The following PTPRG variants were observed in gnomAD, a reference collection of about 807,000 sequenced individuals.
PTPRG encodes receptor-type tyrosine-protein phosphatase gamma.
In PTPRG, 102 loss-of-function variants were observed where a neutral mutation model predicts 165.3. That is an observed-to-expected ratio of 0.62 (90% CI 0.53 to 0.73). The LOEUF (loss-of-function observed/expected upper bound fraction) is 0.73, where lower values mean the gene tolerates loss of function less well. Ranked by LOEUF, PTPRG falls within the 30% of genes least tolerant of loss-of-function variation. PTPRG has a pLI of 0.00. For missense variants in PTPRG, 1,866 were observed against 1,861.4 expected, an observed-to-expected ratio of 1.00 and a Z score of -0.05; for synonymous variants, 675 against 669.5, an observed-to-expected ratio of 1.01 and a Z score of -0.13.
intron 26 of PTPRG, among the ~76,000 whole-genome samples, chr3:62,280,948 C>T (rs1337107893): frequency 1.3e-5 from 2 of 151,952 alleles, no homozygotes; most frequent in Non-Finnish European, 2.9e-5. Context: ...ATGAGGACTA[C>T]AGGTAATAAA....
chr3:61,599,397 C>T (rs1248668453), intron 1 of PTPRG, among the ~76,000 whole-genome samples: 2 of 152,202 alleles, frequency 1.3e-5, no homozygotes, highest in African/African-American at 4.8e-5. Flanking sequence ...ATGTACCTGC[C>T]TTGGCTTCCC....
chr3:62,145,097 T>C (rs1314159531), intron 6 of PTPRG, among the ~76,000 whole-genome samples: 1 of 152,174 alleles, frequency 6.6e-6, no homozygotes, highest in Non-Finnish European at 1.5e-5. Context: ...TTTCTTAACC[T>C]GCTCGCCTGC....
chr3:61,705,495 A>G (rs1209254084), intron 1 of PTPRG, among the ~76,000 whole-genome samples: 2 of 151,686 alleles, frequency 1.3e-5, no homozygotes, highest in Non-Finnish European at 2.9e-5. Context: ...AAGTTTGTCC[A>G]ATAGAGATGT....
At chr3:61,578,058 A>G (rs1700205033) in intron 1 of PTPRG, among the ~76,000 whole-genome samples, 1 of 152,234 alleles carries the variant, frequency 6.6e-6, no homozygotes, top group African/African-American at 2.4e-5. Context: ...CTTGAAAATA[A>G]AAGCCGTTGT....
At position 61,897,588 on chromosome 3, in the gene PTPRG, A is replaced by T. The variant is rs141274827; in HGVS notation, c.191-92037A>T. ...TCTAGGGCCTGTGCTATTCTATAGA[A>T]GTTTTATAGTCTTGTGGATGTCTGC... is the stretch of plus-strand genomic sequence containing the variant. On this transcript the variant is annotated intron_variant, in intron 2 of 29. Transcript: ENST00000474889. 7.6e-3 allele frequency among the ~76,000 whole-genome samples: 1,151 copies of T among 152,306 alleles called. 11 individuals are homozygous for T. The highest frequency in any genetic ancestry group is 0.025 in the African/African-American group (1,057 of 41,580).
chr3:62,024,983 A>G (rs1217260682), intron 4 of PTPRG, among the ~76,000 whole-genome samples: 7 of 152,090 alleles, frequency 4.6e-5, no homozygotes, highest in African/African-American at 1.4e-4. Flanking sequence ...AACCCTAGCA[A>G]TTTCTTGTTT....
chr3:61,645,180 T>C (rs1702166268), intron 1 of PTPRG, among the ~76,000 whole-genome samples: 3 of 152,238 alleles, frequency 2.0e-5, no homozygotes, highest in Admixed American at 2.0e-4. Flanking sequence ...TGACAATGAT[T>C]AACACCTGTT....
intron 7 of PTPRG, among the ~76,000 whole-genome samples, chr3:62,165,299 T>C (rs1263999337): frequency 6.6e-6 from 1 of 152,370 alleles, no homozygotes. Flanking sequence ...ACTTCTCATA[T>C]GATTTTAAGA....
intron 1 of PTPRG, among the ~76,000 whole-genome samples, chr3:61,596,226 C>T (rs2365949): frequency 0.89 from 134,631 of 151,896 alleles, 59,798 homozygotes; most frequent in South Asian, 0.97. Context: ...TTCCTGAACC[C>T]CACAGTCTCA....
intron 4 of PTPRG, among the ~76,000 whole-genome samples, chr3:62,005,148 T>A (rs2041265438): frequency 6.6e-6 from 1 of 152,246 alleles, no homozygotes; most frequent in Admixed American, 6.5e-5. Flanking sequence ...CTTGTTTAGC[T>A]GACAAATTCT....
At chr3:61,852,728 C>G (rs1333715531) in intron 2 of PTPRG, among the ~76,000 whole-genome samples, 1 of 152,168 alleles carries the variant, frequency 6.6e-6, no homozygotes, top group Non-Finnish European at 1.5e-5. Context: ...TTGTCAAGTT[C>G]ACGGTGGCTA....
intron 5 of PTPRG, among the ~76,000 whole-genome samples, chr3:62,094,210 T>C (rs80299669): frequency 0.011 from 1,613 of 152,244 alleles, 26 homozygotes; most frequent in African/African-American, 0.036. Flanking sequence ...TCTTCTGAAC[T>C]TCAATATTAG....
At chr3:61,982,713 C>T (rs2040669334) in intron 2 of PTPRG, among the ~76,000 whole-genome samples, 1 of 152,208 alleles carries the variant, frequency 6.6e-6, no homozygotes, top group African/African-American at 2.4e-5. Context: ...AAAACAGGCT[C>T]CAGAGAAGCT....
chr3:62,019,158 C>A (rs1438529203), intron 4 of PTPRG, among the ~76,000 whole-genome samples: 1 of 152,104 alleles, frequency 6.6e-6, no homozygotes, highest in Non-Finnish European at 1.5e-5. Flanking sequence ...AAATCAAATT[C>A]CTGAGGTCCC....
chr3:61,710,224 C>G (rs1207189393), intron 1 of PTPRG, among the ~76,000 whole-genome samples: 1 of 152,154 alleles, frequency 6.6e-6, no homozygotes, highest in East Asian at 1.9e-4. Flanking sequence ...TATGAAAGAA[C>G]TTCAGCTTTT....
At chr3:61,715,819 G>A (rs1319704232) in intron 1 of PTPRG, among the ~76,000 whole-genome samples, 1 of 151,152 alleles carries the variant, frequency 6.6e-6, no homozygotes, top group Non-Finnish European at 1.5e-5. Context: ...CTCCAGATTA[G>A]AAATGGAATA....
chr3:62,201,635 G>GTTTAACAACAT, intron 11 of PTPRG, 81 bp downstream of exon 11: 1 of 1,391,648 alleles, frequency 7.2e-7, no homozygotes, highest in Non-Finnish European at 1.0e-6. Flanking sequence ...CGAAGTGGCA[G>GTTTAACAACAT]TATAATGTTG....
chr3:62,044,377 A>G (rs939981419), intron 4 of PTPRG, among the ~76,000 whole-genome samples: 3 of 152,134 alleles, frequency 2.0e-5, no homozygotes, highest in Non-Finnish European at 2.9e-5. Context: ...CGTCTCTACT[A>G]AAAATACAAA....
chr3:62,002,324 T>C (rs1293760870), intron 3 of PTPRG, among the ~76,000 whole-genome samples: 1 of 152,196 alleles, frequency 6.6e-6, no homozygotes, highest in Non-Finnish European at 1.5e-5. Context: ...GATAAGTACT[T>C]TCCCATGGCT....
Sources: allele counts gnomAD v4.1 joint callset (sites outside exome capture counted in the v4.1 genomes callset), GRCh38; gene constraint gnomAD v4.1.1; transcripts MANE v1.5; gene names NCBI Gene and HGNC (gene_info 2026-07-23, HGNC 2026-07-21).